AKAP13: variants seen among roughly 807,000 people sequenced by gnomAD.
The protein encoded by AKAP13 is A-kinase anchoring protein 13, also known as A-kinase anchor protein 13.
A neutral mutation model predicts 264.5 loss-of-function variants in AKAP13; 80 were observed. That is an observed-to-expected ratio of 0.30 (90% confidence interval 0.25 to 0.36). AKAP13 has a LOEUF of 0.36. Ranked by LOEUF, AKAP13 falls within the 10% of genes least tolerant of loss-of-function variation. The pLI is 1.00. For synonymous variants in AKAP13, 1,380 were observed against 1,250.2 expected (o/e 1.10, Z -2.19); for missense variants, 3,712 against 3,435.2 (o/e 1.08, Z -2.01).
chr15:85,607,325 T>G (rs11073445), intron 8 of AKAP13, among the ~76,000 whole-genome samples: 72,070 of 151,924 alleles, frequency 0.47, 17,822 homozygotes, highest in Middle Eastern at 0.63. Context: ...TTTTGTTCTT[T>G]CCATTCTGAC....
rs759821546 is a variant in AKAP13 at position 85,743,527 on chromosome 15, A to G, written c.8094A>G (p.Pro2698=). 32 of 1,614,078 alleles carry G rather than the reference A, an allele frequency of 2.0e-5. No homozygotes were observed. The South Asian group carries it at 3.1e-4, about 16-fold the overall frequency. ...SHPHTKLMRI[P]SFFPSPEEPP... is the part of the protein sequence containing the mutation. ...CACATACCAAGCTGATGAGGATCCCATCGTTCTTCCCCAGTCCTGAGGAGC... is the reference window on the plus strand; with the variant it reads ...CACATACCAAGCTGATGAGGATCCCGTCGTTCTTCCCCAGTCCTGAGGAGC... Residue 2698 remains proline, a synonymous_variant, in exon 36 of 37, where the codon CCA becomes CCG. Transcript: ENST00000394518.
At position 85,533,688 on chromosome 15, in the gene AKAP13, G is replaced by A. The variant is rs2077308507; in HGVS notation, c.286G>A (p.Ala96Thr). 6 of 1,614,078 alleles carry A rather than the reference G, an allele frequency of 3.7e-6. No individual in the cohort carries two copies. The highest frequency in any genetic ancestry group is 5.1e-6 in the Non-Finnish European group (6 of 1,180,032). ...AGACTTTCATTTCGTCCAGGATGAA[G>A]CGTATGATGCAGCTCAATTCCTAGC... ...EEDFHFVQDE[A>T]YDAAQFLATS... Residue 96 changes from alanine (A) to threonine (T), a missense_variant, in exon 4 of 37, where the codon GCG becomes ACG. Ala to Thr is a moderately conservative substitution (Grantham distance 58). Around this residue, in one of 3 missense-constraint regions of AKAP13, gnomAD observed 2,759 missense variants for 2,411.7 expected, o/e 1.14. Coordinates refer to ENST00000394518, the MANE Select transcript of AKAP13 (RefSeq NM_007200.5).
chr15:85,599,307 A>G (rs919373722), intron 8 of AKAP13, among the ~76,000 whole-genome samples: 1 of 152,238 alleles, frequency 6.6e-6, no homozygotes, highest in African/African-American at 2.4e-5. Context: ...AGATTAGCAT[A>G]TAATATAATG....
At chr15:85,473,684 A>C (rs1338617480) in intron 1 of AKAP13, among the ~76,000 whole-genome samples, 1 of 152,210 alleles carries the variant, frequency 6.6e-6, no homozygotes, top group African/African-American at 2.4e-5. Context: ...TGTCAACTGA[A>C]GAATGATGGA....
At chr15:85,386,325 G>T (rs1414563480) in intron 1 of AKAP13, among the ~76,000 whole-genome samples, 2 of 151,346 alleles carry the variant, frequency 1.3e-5, no homozygotes, top group African/African-American at 2.4e-5. Context: ...TAGAGATGGA[G>T]TCTCACTCTG....
At chr15:85,585,590 T>A in intron 7 of AKAP13, 112 bp from the exon 8 acceptor site, 1 of 1,465,778 alleles carries the variant, frequency 6.8e-7, no homozygotes, top group Non-Finnish European at 9.4e-7. Context: ...TACTTTTCCA[T>A]TTTAACGCAA....
intron 4 of AKAP13, among the ~76,000 whole-genome samples, chr15:85,541,824 T>G (rs980877800): frequency 6.6e-6 from 1 of 152,182 alleles, no homozygotes; most frequent in Non-Finnish European, 1.5e-5. Flanking sequence ...TCAGAAAGGG[T>G]CTACACAAAA....
chr15:85,439,222 C>T (rs2073497571), intron 1 of AKAP13, among the ~76,000 whole-genome samples: 1 of 149,772 alleles, frequency 6.7e-6, no homozygotes, highest in Admixed American at 6.6e-5. Flanking sequence ...TGAAAAAATG[C>T]TCATCATCAC....
chr15:85,516,234 A>G (rs1475677765), intron 2 of AKAP13, among the ~76,000 whole-genome samples: 2 of 152,194 alleles, frequency 1.3e-5, no homozygotes, highest in Admixed American at 6.5e-5. Flanking sequence ...GGCACTTGAT[A>G]TAGGTGCTTT....
At chr15:85,572,793 AT>A (rs1489887650) in intron 5 of AKAP13, among the ~76,000 whole-genome samples, 1 of 152,108 alleles carries the variant, frequency 6.6e-6, no homozygotes, top group Non-Finnish European at 1.5e-5. Context: ...TACGTTAGGT[AT>A]TTCTGCTAAT....
chr15:85,613,715 A>ATATGTGTGTATATATATATATGT (rs1421387238), intron 8 of AKAP13, among the ~76,000 whole-genome samples: 1 of 77,116 alleles, frequency 1.3e-5, no homozygotes, highest in African/African-American at 4.4e-5. Flanking sequence ...TATATATATT[A>ATATGTGTGTATATATATATATGT]GGAGTGCTGA....
At position 85,708,776 on chromosome 15, in the gene AKAP13, G is replaced by C. The variant is rs2086462180; in HGVS notation, c.5532+690G>C. On this transcript the variant is annotated intron_variant, in intron 18 of 36. Transcript: ENST00000394518. The surrounding 1 kb of genome is among the most constrained non-coding windows in gnomAD (Gnocchi z 4.3). ...CAAAGGAGTGCTTTCCAACTTCGTC[G>C]ACACAGATGATTAATGAGCTGTGTG... 5.9e-5 allele frequency among the ~76,000 whole-genome samples: 9 copies of C among 152,078 alleles called. No individual in the cohort carries two copies.
At chr15:85,399,527 A>AT (rs2071310375) in intron 1 of AKAP13, among the ~76,000 whole-genome samples, 23 of 114,770 alleles carry the variant, frequency 2.0e-4, no homozygotes, top group African/African-American at 4.3e-4. Context: ...AAAAAATAAA[A>AT]AAATAAAAAA....
chr15:85,477,068 T>C (rs984127839), intron 1 of AKAP13, among the ~76,000 whole-genome samples: 4 of 152,054 alleles, frequency 2.6e-5, no homozygotes, highest in Non-Finnish European at 5.9e-5. Flanking sequence ...TCTCCCTTTC[T>C]CGAGTCATGG....
intron 1 of AKAP13, among the ~76,000 whole-genome samples, chr15:85,391,353 GTAT>G (rs1168924649): frequency 1.3e-5 from 2 of 152,190 alleles, no homozygotes; most frequent in South Asian, 2.1e-4. Context: ...TGATGCTAGT[GTAT>G]TATTTGAATG....
chr15:85,705,782 C>CT (rs538736889), intron 17 of AKAP13, among the ~76,000 whole-genome samples: 1 of 152,202 alleles, frequency 6.6e-6, no homozygotes, highest in Non-Finnish European at 1.5e-5. Flanking sequence ...TCAGATTCCC[C>CT]TTTGTTTCCC....
chr15:85,415,483 T>C (rs1007468765), intron 1 of AKAP13: 17 of 1,571,962 alleles, frequency 1.1e-5, no homozygotes, highest in Non-Finnish European at 1.5e-5. Context: ...ACTCAGACTG[T>C]GTGCAACTTT....
chr15:85,606,112 T>TTTTTTG (rs1384961300), intron 8 of AKAP13, among the ~76,000 whole-genome samples: 1 of 130,496 alleles, frequency 7.7e-6, no homozygotes, highest in African/African-American at 2.9e-5. Context: ...TTTTTTTTTT[T>TTTTTTG]TTTTGTTGAG....
At chr15:85,632,680 A>G (rs138098197) in intron 8 of AKAP13, among the ~76,000 whole-genome samples, 2 of 152,274 alleles carry the variant, frequency 1.3e-5, no homozygotes, top group African/African-American at 2.4e-5. Flanking sequence ...TTCTAGTAGT[A>G]TGTGTTTATT....
Sources: gnomAD v4.1 joint callset for allele counts (sites outside exome capture counted in the v4.1 genomes callset) on GRCh38, gnomAD v4.1.1 for gene constraint, gnomAD v4.1.1 regional missense constraint, Gnocchi (gnomAD v3.1) non-coding constraint, MANE v1.5 for transcripts, NCBI Gene and HGNC (gene_info 2026-07-23, HGNC 2026-07-21) for gene names.